The following TMEM79 variants were observed in gnomAD, a reference collection of about 807,000 sequenced individuals.
TMEM79 encodes mattrin.
A neutral mutation model predicts 31.2 loss-of-function variants in TMEM79; 30 were observed. That is an observed-to-expected ratio of 0.96 (90% CI 0.72 to 1.30). TMEM79 has a LOEUF of 1.30. Ranked by LOEUF, TMEM79 falls within the 50% of genes most tolerant of loss-of-function variation. TMEM79 has a pLI of 0.00. For synonymous variants in TMEM79, 213 were observed against 229.5 expected, an observed-to-expected ratio of 0.93 and a Z score of 0.65; for missense variants, 509 against 528.2, an observed-to-expected ratio of 0.96 and a Z score of 0.36.
In TMEM79 at chr1:156,291,354, G is replaced by C. The variant is rs764125671; in HGVS notation, c.972-31G>C. On this transcript the variant is annotated intron_variant, in intron 3 of 3. Transcript: ENST00000405535. Reference sequence around the variant, plus strand: ...CAATCAGCTGACGCGCTTCCCTCGAGAGTAGCCTGACCCTTTTCTTGCCCC... The same window carrying C: ...CAATCAGCTGACGCGCTTCCCTCGACAGTAGCCTGACCCTTTTCTTGCCCC... 20 of 1,607,266 alleles carry C rather than the reference G, an allele frequency of 1.2e-5. No individual in the cohort carries two copies. The Middle Eastern group carries it at 9.9e-4, about 80-fold the overall frequency.
rs775326646 is a variant in TMEM79 at position 156,285,196 on chromosome 1, TTG to T, written c.-28_-27del. 6.6e-7 allele frequency: 1 copy of T among 1,517,290 alleles called. No individual in the cohort carries two copies. Among genetic ancestry groups the T allele is most frequent in the Non-Finnish European group, 8.8e-7 (1 of 1,134,954 alleles). 94.0% of individuals were successfully genotyped at this position (1,517,290 alleles called of 1,614,324 possible). ...CTGTTCCCTGCAGGATGACATGACC[TTG>T]TGGTAGATCCCAGAACTGAGGCCCC... is the stretch of plus-strand genomic sequence containing the variant. On this transcript the variant is annotated 5_prime_UTR_variant, in exon 2 of 4. The change abolishes the stop of an existing upstream ORF in the 5' untranslated region. Transcript: ENST00000405535.
chr1:156,291,204 T>C (rs1663315428), intron 3 of TMEM79, 181 bp from the exon 4 acceptor site: 8 of 593,584 alleles, frequency 1.3e-5, no homozygotes, highest in Admixed American at 8.9e-5. Context: ...CAATCACTTA[T>C]AGTAATTAGC....
chr1:156,286,187 G>A, intron 2 of TMEM79, 73 bp from the exon 3 acceptor site: 1 of 1,493,438 alleles, frequency 6.7e-7, no homozygotes, highest in Non-Finnish European at 9.2e-7. Context: ...CAGTGAATCT[G>A]CCCCCAGCTT....
upstream of TMEM79, chr1:156,283,045 AG>A: frequency 2.2e-6 from 1 of 448,802 alleles, no homozygotes; most frequent in Non-Finnish European, 3.9e-6. Context: ...AGGCGGCCAA[AG>A]CTTAACTGGA....
chr1:156,289,769 T>C (rs1327577209), intron 3 of TMEM79, among the ~76,000 whole-genome samples: 1 of 152,238 alleles, frequency 6.6e-6, no homozygotes, highest in African/African-American at 2.4e-5. Flanking sequence ...GTCCTTCATA[T>C]ATTAAGAAGT....
chr1:156,286,546 G>A, intron 3 of TMEM79, 73 bp downstream of exon 3: 1 of 1,504,090 alleles, frequency 6.6e-7, no homozygotes, highest in Non-Finnish European at 9.2e-7. Context: ...AATGTCTGGA[G>A]AGCCAGGGTC....
rs1558253837 is a variant in TMEM79 at position 156,291,612 on chromosome 1, C to T, written c.*14C>T. 6.2e-6 allele frequency: 10 copies of T among 1,609,278 alleles called. No individual in the cohort carries two copies. Among genetic ancestry groups the T allele is most frequent in the Non-Finnish European group, 7.6e-6 (9 of 1,177,414 alleles). On this transcript the variant is annotated 3_prime_UTR_variant, in exon 4 of 4. Transcript: ENST00000405535. ...CCCTGGGGCTGAGCCTCTCCGCCCT[C>T]GCCCTCGGAGTAGGGGGTAGCGGCT...
At chr1:156,286,036 G>C in intron 2 of TMEM79, 53 bp downstream of exon 2, 1 of 1,561,662 alleles carries the variant, frequency 6.4e-7, no homozygotes, top group Non-Finnish European at 8.7e-7. Context: ...AGGAGGGCAG[G>C]GCCTGGCTGG....
Position 156,286,258 on chromosome 1 carries a change from AG to A in TMEM79, c.759del. ...CCTACCCTGTTTCCCAACTCCACCC[AG>A]GGATCCTGGTGTACGGGCTGAGCCT... is the stretch of plus-strand genomic sequence containing the variant. On this transcript the variant is annotated splice_acceptor_variant, in intron 2 of 3. Transcript: ENST00000405535. LOFTEE classifies it high-confidence loss of function. 6.2e-7 allele frequency: 1 copy of A among 1,613,754 alleles called. No homozygotes were observed. Among genetic ancestry groups the A allele is most frequent in the East Asian group, 2.2e-5 (1 of 44,864 alleles).
intron 1 of TMEM79, 38 bp downstream of exon 1, chr1:156,284,444 A>C (rs1663088296): frequency 6.6e-6 from 1 of 152,278 alleles, no homozygotes; most frequent in African/African-American, 2.4e-5. Flanking sequence ...CAAGGTTTGG[A>C]GTGCCCTTGA....
Position 156,286,261 on chromosome 1 carries a change from G to T in TMEM79, c.759G>T (p.Gly253=), listed in dbSNP as rs759965979. Residue 253 remains glycine (G), a splice_region_variant and synonymous_variant, in exon 3 of 4, where the codon GGG becomes GGT. Transcript: ENST00000405535. ...GVFATFPIVL[G]ILVYGLSLLC... ...ACCCTGTTTCCCAACTCCACCCAGG[G>T]ATCCTGGTGTACGGGCTGAGCCTGT... The T allele has an allele frequency of 1.9e-6, 3 of 1,613,998 alleles. No homozygotes were observed. Among genetic ancestry groups the T allele is most frequent in the Admixed American group, 3.3e-5 (2 of 60,022 alleles).
rs754429207 is a variant in TMEM79, at chr1:156,292,040, G to A, written c.*442G>A. ...TCTGTGCCAGTTGTCTAAGCAGAGCGCCTCAGGGACGCTGGAAATGCCTTA... is the reference window on the plus strand; with the variant it reads ...TCTGTGCCAGTTGTCTAAGCAGAGCACCTCAGGGACGCTGGAAATGCCTTA... On this transcript the variant is annotated 3_prime_UTR_variant, in exon 4 of 4. Coordinates refer to ENST00000405535, the MANE Select transcript of TMEM79 (RefSeq NM_032323.3). 4 of 334,158 alleles carry A rather than the reference G, an allele frequency of 1.2e-5. No individual in the cohort carries two copies. The highest frequency in any genetic ancestry group is 1.7e-5 in the Non-Finnish European group (3 of 181,392). The allele number at this position is 334,158 out of a possible 1,614,324, so 20.7% of individuals were successfully genotyped here.
chr1:156,285,192 G>T lies in TMEM79; in HGVS notation c.-35G>T. ...TCCTCTGTTCCCTGCAGGATGACATGACCTTGTGGTAGATCCCAGAACTGA... is the reference window on the plus strand; with the variant it reads ...TCCTCTGTTCCCTGCAGGATGACATTACCTTGTGGTAGATCCCAGAACTGA... On this transcript the variant is annotated 5_prime_UTR_variant, in exon 2 of 4. An upstream start codon of the reference 5' UTR is lost. Transcript: ENST00000405535. The T allele has an allele frequency of 6.6e-7, 1 of 1,514,686 alleles. No homozygotes were observed. The highest frequency in any genetic ancestry group is 2.3e-5 in the East Asian group (1 of 43,862). The allele number at this position is 1,514,686 out of a possible 1,614,324, so 93.8% of individuals were successfully genotyped here.
Position 156,285,971 on chromosome 1 carries a change from C to T in TMEM79, c.745C>T (p.Pro249Ser), listed in dbSNP as rs1322901404. 3.1e-6 allele frequency: 5 copies of T among 1,606,248 alleles called. No individual in the cohort carries two copies. In the African/African-American group the frequency reaches 4.0e-5, roughly 13 times the overall value. ...GCGCTGCGGGGTCTTTGCCACCTTC[C>T]CCATTGTGCTGGGTGAGCCTGTGAG... ...TLRCGVFATF[P>S]IVLGILVYGL... Residue 249 changes from proline (P) to serine (S), a missense_variant, in exon 2 of 4, where the codon CCC becomes TCC. Coordinates refer to ENST00000405535, the MANE Select transcript of TMEM79 (RefSeq NM_032323.3).
rs773318872 is a variant in TMEM79 at position 156,285,943 on chromosome 1, A to G, written c.717A>G (p.Thr239=). 34 of 1,612,558 alleles carry G rather than the reference A, an allele frequency of 2.1e-5. No homozygotes were observed. The highest frequency in any genetic ancestry group is 2.5e-5 in the Non-Finnish European group (30 of 1,179,308). The change falls in exon 2 of 4, where the codon ACA becomes ACG. Residue 239 remains threonine, a synonymous_variant. Transcript: ENST00000405535. ...LPTMSSRLIY[T]LRCGVFATFP... is the part of the protein sequence containing the mutation. ...CCATGAGTTCCCGCCTGATCTACACACTGCGCTGCGGGGTCTTTGCCACCT... is the reference window on the plus strand; with the variant it reads ...CCATGAGTTCCCGCCTGATCTACACGCTGCGCTGCGGGGTCTTTGCCACCT...
At chr1:156,291,352 G>C (rs1663321223) in intron 3 of TMEM79, 33 bp from the exon 4 acceptor site, 2 of 1,602,454 alleles carry the variant, frequency 1.2e-6, no homozygotes, top group Non-Finnish European at 1.7e-6. Flanking sequence ...CGCTTCCCTC[G>C]AGAGTAGCCT....
At chr1:156,284,912 CTG>C (rs1401691167) in intron 1 of TMEM79, among the ~76,000 whole-genome samples, 1 of 152,162 alleles carries the variant, frequency 6.6e-6, no homozygotes, top group African/African-American at 2.4e-5. Flanking sequence ...TGGAGGCTGA[CTG>C]AGTTCACAGC....
At position 156,285,894 on chromosome 1, in the gene TMEM79, C is replaced by T. The variant is rs368037092; in HGVS notation, c.668C>T (p.Pro223Leu). 66 of 1,613,864 alleles carry T rather than the reference C, an allele frequency of 4.1e-5. No homozygotes were observed. Among genetic ancestry groups the T allele is most frequent in the Middle Eastern group, 1.6e-4 (1 of 6,084 alleles). Reference sequence around the variant, plus strand: ...CTATACGGGGCATATGCCTTCCTGCCGTTTGATGTCCCACGGCTGCCCACC... The same window carrying T: ...CTATACGGGGCATATGCCTTCCTGCTGTTTGATGTCCCACGGCTGCCCACC... The part of the protein sequence containing the change: ...CLLYGAYAFL[P>L]FDVPRLPTMS... The change falls in exon 2 of 4, where the codon CCG becomes CTG. Residue 223 changes from proline (P) to leucine (L), a missense_variant. By Grantham distance (98) the Pro-to-Leu change is moderately conservative. Transcript: ENST00000405535.
intron 3 of TMEM79, among the ~76,000 whole-genome samples, chr1:156,287,419 CAAAT>C (rs901532365): frequency 4.0e-5 from 6 of 151,810 alleles, no homozygotes; most frequent in African/African-American, 1.5e-4. Context: ...CCGTCTCAAA[CAAAT>C]AAATAAATAA....
Sources: allele counts gnomAD v4.1 joint callset (sites outside exome capture counted in the v4.1 genomes callset), GRCh38; gene constraint gnomAD v4.1.1; transcripts MANE v1.5; gene names NCBI Gene and HGNC (gene_info 2026-07-23, HGNC 2026-07-21).